ADGRV1: variants seen among roughly 807,000 people sequenced by gnomAD.
The protein encoded by ADGRV1 is adhesion G protein-coupled receptor V1, also known as G-protein coupled receptor 98.
ADGRV1 carries 359 observed loss-of-function variants against 596.2 expected under a neutral mutation model. The ratio of observed to expected loss-of-function variants is 0.60; its 90% CI spans 0.55 to 0.66. The LOEUF (loss-of-function observed/expected upper bound fraction) is 0.66. Among genes scored for constraint, ADGRV1 ranks in the 30% least tolerant of loss-of-function variants. ADGRV1 has a pLI of 0.00. For synonymous variants in ADGRV1, 2,681 were observed against 2,679.2 expected, an observed-to-expected ratio of 1.00 and a Z score of -0.02; for missense variants, 7,274 against 7,575.6, an observed-to-expected ratio of 0.96 and a Z score of 1.48.
intron 85 of ADGRV1, among the ~76,000 whole-genome samples, chr5:91,022,640 T>G (rs1268197440): frequency 3.9e-5 from 6 of 152,144 alleles, no homozygotes; most frequent in Admixed American, 1.3e-4. Flanking sequence ...GAGTTCGGTT[T>G]GGCCTGTATT....
chr5:90,994,610 T>C (rs1781262133), intron 85 of ADGRV1, among the ~76,000 whole-genome samples: 1 of 152,234 alleles, frequency 6.6e-6, no homozygotes, highest in Non-Finnish European at 1.5e-5. Flanking sequence ...CATATCTTCT[T>C]GGTTTTTTGC....
chr5:91,035,864 T>TAAA (rs1248093197), intron 85 of ADGRV1, among the ~76,000 whole-genome samples: 3 of 68,236 alleles, frequency 4.4e-5, no homozygotes, highest in African/African-American at 9.2e-5. Context: ...ATATATATTA[T>TAAA]ATATATATAT....
intron 85 of ADGRV1, among the ~76,000 whole-genome samples, chr5:90,993,197 C>T (rs1470525438): frequency 7.6e-6 from 1 of 131,994 alleles, no homozygotes; most frequent in Non-Finnish European, 1.5e-5. Context: ...CTTGCTCTGT[C>T]GCCCAGGCTG....
chr5:90,909,776 A>G (rs1402563859), intron 83 of ADGRV1, among the ~76,000 whole-genome samples: 1 of 152,224 alleles, frequency 6.6e-6, no homozygotes, highest in Non-Finnish European at 1.5e-5. Flanking sequence ...TCCATGGGGT[A>G]TGGACAGAAA....
At chr5:90,819,666 G>A (rs1352612278) in intron 75 of ADGRV1, among the ~76,000 whole-genome samples, 18 of 151,164 alleles carry the variant, frequency 1.2e-4, no homozygotes, top group African/African-American at 3.2e-4. Context: ...CCTTCATTTC[G>A]TTATGTATCC....
chr5:90,900,068 A>G (rs1478637977), intron 83 of ADGRV1, among the ~76,000 whole-genome samples: 1 of 152,202 alleles, frequency 6.6e-6, no homozygotes, highest in Non-Finnish European at 1.5e-5. Context: ...TGGATATACA[A>G]ACTAACAAAG....
intron 87 of ADGRV1, among the ~76,000 whole-genome samples, chr5:91,106,102 C>T (rs910979269): frequency 1.3e-5 from 2 of 151,938 alleles, no homozygotes; most frequent in Non-Finnish European, 2.9e-5. Context: ...TTGGGTCTTA[C>T]ATTTAGGTCT....
At position 90,694,177 on chromosome 5, in the gene ADGRV1, TCAA is replaced by T. The variant is rs1456365562; in HGVS notation, c.7425_7427del (p.Asn2476del). On this transcript the variant is annotated inframe_deletion, in exon 33 of 90. Transcript: ENST00000405460. Reference sequence around the variant, plus strand: ...ATGACATCATGGATCAGCCCAGCTGTCAACAATTCAGACTTCTGGACCTACAGG... The same window carrying T: ...ATGACATCATGGATCAGCCCAGCTGTCAATTCAGACTTCTGGACCTACAGG... 3.7e-6 allele frequency: 6 copies of T among 1,613,716 alleles called. No individual in the cohort carries two copies. The highest frequency in any genetic ancestry group is 1.6e-4 in the Middle Eastern group (1 of 6,082).
At chr5:90,707,983 A>G (rs946815839) in intron 38 of ADGRV1, among the ~76,000 whole-genome samples, 3 of 152,142 alleles carry the variant, frequency 2.0e-5, no homozygotes, top group African/African-American at 7.2e-5. Context: ...GTTGGTCCAT[A>G]TATTACATAA....
At chr5:90,862,081 A>G (rs148347012) in intron 82 of ADGRV1, among the ~76,000 whole-genome samples, 1 of 152,334 alleles carries the variant, frequency 6.6e-6, no homozygotes, top group East Asian at 1.9e-4. Context: ...ACTTAATTAA[A>G]TATTTCTAAG....
chr5:90,711,162 T>C (rs1261543760), intron 40 of ADGRV1, 22 bp from the exon 41 acceptor site: 1 of 1,590,158 alleles, frequency 6.3e-7, no homozygotes, highest in African/African-American at 1.4e-5. Flanking sequence ...TTGTTTGTTT[T>C]TGTTTTTTTG....
intron 85 of ADGRV1, among the ~76,000 whole-genome samples, chr5:91,024,519 C>T (rs999102473): frequency 6.6e-6 from 1 of 152,194 alleles, no homozygotes; most frequent in African/African-American, 2.4e-5. Flanking sequence ...CTTAGTTGCA[C>T]ACACATTTTA....
intron 83 of ADGRV1, among the ~76,000 whole-genome samples, chr5:90,959,789 AAG>A (rs1187702895): frequency 6.6e-6 from 1 of 152,188 alleles, no homozygotes; most frequent in African/African-American, 2.4e-5. Context: ...CTAGACACAA[AAG>A]AGCACATATG....
At chr5:90,745,820 T>C (rs937845080) in intron 52 of ADGRV1, 25 bp downstream of exon 52, 14 of 1,264,120 alleles carry the variant, frequency 1.1e-5, no homozygotes, top group Admixed American at 1.7e-5. Flanking sequence ...GACCCCACAC[T>C]TGCAATGCAA....
At chr5:91,133,842 A>G (rs956128326) in intron 87 of ADGRV1, among the ~76,000 whole-genome samples, 6 of 152,226 alleles carry the variant, frequency 3.9e-5, no homozygotes, top group Admixed American at 3.9e-4. Context: ...CACACAGTGT[A>G]TTAAAGAAAT....
chr5:90,773,269 G>A (rs978569736), intron 59 of ADGRV1, among the ~76,000 whole-genome samples: 2 of 152,128 alleles, frequency 1.3e-5, no homozygotes, highest in Admixed American at 1.3e-4. Flanking sequence ...GCATTTTAGA[G>A]TGAATAATAT....
In ADGRV1 at chr5:90,705,420, G is replaced by C. The variant is rs111033530; in HGVS notation, c.8407G>C (p.Ala2803Pro). Reference sequence around the variant, plus strand: ...TTTAGGAGTTCCACCAGCCGGAATCGCCCTGCTTGATGCTCAAGGATATGC... The same window carrying C: ...TTTAGGAGTTCCACCAGCCGGAATCCCCCTGCTTGATGCTCAAGGATATGC... ...RTQGVPPAGI[A>P]LLDAQGYAAV... The change falls in exon 37 of 90, where the codon GCC becomes CCC. Residue 2803 changes from alanine to proline, a missense_variant. This residue lies in a region of ADGRV1 where 3,643 missense variants were observed against 3,809.2 expected (regional missense o/e 0.96). Transcript: ENST00000405460. The C allele has an allele frequency of 1.9e-6, 3 of 1,613,534 alleles. No homozygotes were observed. The African/African-American group carries it at 4.0e-5, about 22-fold the overall frequency.
intron 86 of ADGRV1, among the ~76,000 whole-genome samples, chr5:91,090,241 C>T (rs1790267948): frequency 1.3e-5 from 2 of 152,076 alleles, no homozygotes; most frequent in Non-Finnish European, 2.9e-5. Flanking sequence ...TTATCTGGCA[C>T]TTTTGAAGTA....
At chr5:90,731,825 T>A (rs1428107760) in intron 50 of ADGRV1, among the ~76,000 whole-genome samples, 1 of 152,198 alleles carries the variant, frequency 6.6e-6, no homozygotes, top group Non-Finnish European at 1.5e-5. Flanking sequence ...AATGTTAAAG[T>A]CATCTATTTT....
Sources: allele counts gnomAD v4.1 joint callset (sites outside exome capture counted in the v4.1 genomes callset), GRCh38; gene constraint gnomAD v4.1.1; regional missense constraint gnomAD v4.1.1; transcripts MANE v1.5; gene names NCBI Gene and HGNC (gene_info 2026-07-23, HGNC 2026-07-21).